Variants in ASH1L observed in about 807,000 individuals in gnomAD.
ASH1L encodes the protein histone-lysine N-methyltransferase ASH1L.
Under a neutral mutation model 269.0 loss-of-function variants are expected in ASH1L, and 23 were observed. The observed-to-expected ratio is 0.09, with a 90% CI of 0.06 to 0.12. ASH1L has a LOEUF of 0.12. Ranked by LOEUF, ASH1L falls within the 10% of genes least tolerant of loss-of-function variation. The pLI is 1.00. For synonymous variants in ASH1L, 1,187 were observed against 1,253.5 expected (o/e 0.95, Z 1.12); for missense variants, 2,912 against 3,567.8 (o/e 0.82, Z 4.68).
At chr1:155,474,349 A>G (rs1665363112) in intron 3 of ASH1L, among the ~76,000 whole-genome samples, 1 of 152,092 alleles carries the variant, frequency 6.6e-6, no homozygotes, top group Non-Finnish European at 1.5e-5. Flanking sequence ...AGAACTAGAT[A>G]CCCAACGACC....
At chr1:155,394,959 G>C (rs561685581) in intron 7 of ASH1L, among the ~76,000 whole-genome samples, 6 of 152,218 alleles carry the variant, frequency 3.9e-5, no homozygotes, top group African/African-American at 1.4e-4. Context: ...TTTAGAGACA[G>C]GATTTCTCTC....
intron 1 of ASH1L, among the ~76,000 whole-genome samples, chr1:155,548,902 A>G (rs1274495156): frequency 6.6e-6 from 1 of 152,194 alleles, no homozygotes; most frequent in Non-Finnish European, 1.5e-5. Context: ...AGAAATCTCA[A>G]ACCCTGTACA....
intron 12 of ASH1L, among the ~76,000 whole-genome samples, chr1:155,369,369 C>T (rs1444757852): frequency 6.6e-6 from 1 of 152,010 alleles, no homozygotes; most frequent in East Asian, 1.9e-4. Flanking sequence ...GTGGCATGAA[C>T]CCAGGAGGCA....
intron 7 of ASH1L, among the ~76,000 whole-genome samples, chr1:155,391,783 T>C (rs910598133): frequency 3.3e-5 from 5 of 151,976 alleles, no homozygotes; most frequent in African/African-American, 4.8e-5. Flanking sequence ...GGTGAAACCC[T>C]ATCTTTATCA....
chr1:155,436,259 G>A lies in ASH1L; in HGVS notation c.5828+2068C>T, dbSNP rs891084689. Reference sequence around the variant, plus strand: ...GGCTGGAGTGTGATGGTGCAATCTCGGCTCACTGCAACCTCTCCACCTCCC... The same window carrying A: ...GGCTGGAGTGTGATGGTGCAATCTCAGCTCACTGCAACCTCTCCACCTCCC... On this transcript the variant is annotated intron_variant, in intron 5 of 27. Coordinates refer to ENST00000392403, the MANE Select transcript of ASH1L (RefSeq NM_018489.3). 5.9e-5 allele frequency among the ~76,000 whole-genome samples: 9 copies of A among 151,842 alleles called. No individual in the cohort carries two copies. The East Asian group carries it at 1.6e-3, about 26-fold the overall frequency.
At chr1:155,475,552 T>C (rs926191682) in intron 3 of ASH1L, among the ~76,000 whole-genome samples, 2 of 152,220 alleles carry the variant, frequency 1.3e-5, no homozygotes, top group African/African-American at 2.4e-5. Context: ...CACTCCATGG[T>C]ATTAACTTTA....
At position 155,365,213 on chromosome 1, in the gene ASH1L, GT is replaced by G. The variant is rs565113102; in HGVS notation, c.6687-4805del. 3.3e-3 allele frequency among the ~76,000 whole-genome samples: 495 copies of G among 150,130 alleles called. 2 individuals carry two copies. Among genetic ancestry groups the G allele is most frequent in the African/African-American group, 0.012 (476 of 40,930 alleles). On this transcript the variant is annotated intron_variant, in intron 12 of 27. Transcript: ENST00000392403. ...AAACTTTTGAGTTACTGACAGCTTT[GT>G]TTTTTTTTGAGATGGAGTTTTGCTC...
rs1483130784 is a variant in ASH1L at position 155,354,709 on chromosome 1, T to C, written c.7056-79A>G. The stretch of plus-strand genomic sequence containing the variant: ...TTACATGTCTACTCTATGGAAGCCA[T>C]TGTTAGACGATATACGTGAATTGAG... On this transcript the variant is annotated intron_variant, in intron 15 of 27. Coordinates refer to ENST00000392403, the MANE Select transcript of ASH1L (RefSeq NM_018489.3). 2.6e-5 allele frequency: 36 copies of C among 1,371,396 alleles called. 1 individual carries two copies. The highest frequency in any genetic ancestry group is 6.5e-5 in the Admixed American group (3 of 46,190). 85.0% of individuals were successfully genotyped at this position (1,371,396 alleles called of 1,614,324 possible).
chr1:155,402,178 T>C lies in ASH1L; in HGVS notation c.6009-6625A>G, dbSNP rs188771787. ...CAAACAAACAAACAAACAAACATCATATCAGGGTTAAAATACTTCTGAACA... is the reference window on the plus strand; with the variant it reads ...CAAACAAACAAACAAACAAACATCACATCAGGGTTAAAATACTTCTGAACA... On this transcript the variant is annotated intron_variant, in intron 6 of 27. Coordinates refer to ENST00000392403, the MANE Select transcript of ASH1L (RefSeq NM_018489.3). Among the ~76,000 whole-genome samples the C allele has an allele frequency of 2.2e-3, 341 of 151,600 alleles. 4 individuals are homozygous for C. The highest frequency in any genetic ancestry group is 6.5e-3 in the Admixed American group (99 of 15,230).
chr1:155,352,853 A>G lies in ASH1L; in HGVS notation c.7219T>C (p.Phe2407Leu). The change falls in exon 17 of 28, where the codon TTC (phenylalanine) becomes CTC (leucine). Residue 2407 changes from phenylalanine (F) to leucine (L), a missense_variant. Physicochemically the swap from Phe to Leu is conservative, Grantham distance 22 (BLOSUM62 0). Around this residue, in one of 13 missense-constraint regions of ASH1L, gnomAD observed 309 missense variants for 435.1 expected, o/e 0.71. Transcript: ENST00000392403. Reference sequence around the variant, plus strand: ...TGCAGGGCAGAGAACTGGGTCATGAAGACATCTGGAAAAATAAAGTGAAAA... The same window carrying G: ...TGCAGGGCAGAGAACTGGGTCATGAGGACATCTGGAAAAATAAAGTGAAAA... ...RDDGNIKSDV[F>L]MTQFSALQTA... 3 of 1,595,980 alleles carry G rather than the reference A, an allele frequency of 1.9e-6. No individual in the cohort carries two copies. Among genetic ancestry groups the G allele is most frequent in the Non-Finnish European group, 2.6e-6 (3 of 1,174,062 alleles).
At chr1:155,358,740 T>C (rs1308616056) in intron 13 of ASH1L, 1 of 151,900 alleles carries the variant, frequency 6.6e-6, no homozygotes, top group Non-Finnish European at 1.5e-5. Context: ...AGTAATCTGT[T>C]TGTCATCCTT....
chr1:155,514,511 T>A (rs1668374386), intron 2 of ASH1L, among the ~76,000 whole-genome samples: 1 of 152,100 alleles, frequency 6.6e-6, no homozygotes. Context: ...ATTTCTCACT[T>A]TATGTTTTTT....
chr1:155,384,669 C>T (rs147339425), intron 7 of ASH1L, among the ~76,000 whole-genome samples: 2 of 152,128 alleles, frequency 1.3e-5, no homozygotes, highest in East Asian at 3.9e-4. Flanking sequence ...TTTGGTATTA[C>T]AGGAGCAACC....
At chr1:155,347,962 A>C in intron 19 of ASH1L, 58 bp from the exon 20 acceptor site, 1 of 1,600,970 alleles carries the variant, frequency 6.2e-7, no homozygotes, top group South Asian at 1.1e-5. Context: ...TTAACAATTT[A>C]CCTAAAGAGG....
chr1:155,484,928 C>CAAAAA (rs761331437), intron 2 of ASH1L, among the ~76,000 whole-genome samples: 28 of 82,392 alleles, frequency 3.4e-4, no homozygotes, highest in East Asian at 2.3e-3. Context: ...TGCTCTGTCT[C>CAAAAA]AAAAAAAAAA....
At chr1:155,464,843 G>A (rs1343956815) in intron 3 of ASH1L, among the ~76,000 whole-genome samples, 1 of 152,062 alleles carries the variant, frequency 6.6e-6, no homozygotes, top group Non-Finnish European at 1.5e-5. Flanking sequence ...AAACAAGAGG[G>A]GAAAGGTAGT....
chr1:155,478,622 A>G lies in ASH1L; in HGVS notation c.4248T>C (p.Ser1416=). ...AAGGAGGTGGAAGTGGCGTGGTGAA[A>G]GAAGGAGATGGAGGAGGTGGATAAA... ...PTLYPPPPSP[S]FTTPLPPPSY... Residue 1416 remains serine (S), a synonymous_variant, in exon 3 of 28, where the codon TCT becomes TCC. Coordinates refer to ENST00000392403, the MANE Select transcript of ASH1L (RefSeq NM_018489.3). The surrounding 1 kb of genome is among the most constrained non-coding windows in gnomAD (Gnocchi z 4.6). 6.2e-7 allele frequency: 1 copy of G among 1,614,004 alleles called. No homozygotes were observed. The highest frequency in any genetic ancestry group is 8.5e-7 in the Non-Finnish European group (1 of 1,179,968).
At chr1:155,390,089 C>T (rs6694257) in intron 7 of ASH1L, among the ~76,000 whole-genome samples, 3,015 of 152,112 alleles carry the variant, frequency 0.02, 95 homozygotes, top group African/African-American at 0.069. Flanking sequence ...TAGGAGGAAA[C>T]ATTCAACATT....
chr1:155,471,360 C>T (rs138850401), intron 3 of ASH1L, among the ~76,000 whole-genome samples: 1 of 152,282 alleles, frequency 6.6e-6, no homozygotes, highest in East Asian at 1.9e-4. Context: ...GGCCGGTGAC[C>T]AGAAAGACCA....
Sources: gnomAD v4.1 joint callset for allele counts (sites outside exome capture counted in the v4.1 genomes callset) on GRCh38, gnomAD v4.1.1 for gene constraint, gnomAD v4.1.1 regional missense constraint, Gnocchi (gnomAD v3.1) non-coding constraint, MANE v1.5 for transcripts, NCBI Gene and HGNC (gene_info 2026-07-23, HGNC 2026-07-21) for gene names.